Variants in EML6 observed in about 807,000 individuals in gnomAD.
The protein encoded by EML6 is EMAP like 6.
EML6 carries 154 observed loss-of-function variants against 240.1 expected under a neutral mutation model. The ratio of observed to expected loss-of-function variants is 0.64; its 90% CI spans 0.56 to 0.73. EML6 has a LOEUF of 0.73. Among genes scored for constraint, EML6 ranks in the 30% least tolerant of loss-of-function variants. EML6 has a pLI of 0.00. For synonymous variants in EML6, 1,148 were observed against 899.0 expected (o/e 1.28, Z -4.95); for missense variants, 2,964 against 2,474.6 (o/e 1.20, Z -4.20).
intron 2 of EML6, among the ~76,000 whole-genome samples, chr2:54,806,545 G>C (rs554634771): frequency 6.1e-5 from 9 of 148,000 alleles, no homozygotes; most frequent in Non-Finnish European, 8.9e-5. Context: ...CCTGGGAGGC[G>C]GAGGTTGCAG....
At chr2:54,937,664 CTG>C (rs1456791136) in intron 28 of EML6, among the ~76,000 whole-genome samples, 1 of 146,960 alleles carries the variant, frequency 6.8e-6, no homozygotes, top group Non-Finnish European at 1.5e-5. Context: ...TTATGGATAA[CTG>C]TAGATACTGT....
chr2:54,751,641 C>G lies in EML6; in HGVS notation c.197+26383C>G, dbSNP rs985230109. On this transcript the variant is annotated intron_variant, in intron 2 of 41. Transcript: ENST00000356458. ...AAACTTTAGACAGATTTTTAAAAAT[C>G]ACTGAAGTTATTTTGTGGGCCTATA... 7.9e-5 allele frequency among the ~76,000 whole-genome samples: 12 copies of G among 152,264 alleles called. No individual in the cohort carries two copies. The South Asian group carries it at 2.3e-3, about 29-fold the overall frequency.
At chr2:54,793,908 A>G (rs1669610547) in intron 2 of EML6, among the ~76,000 whole-genome samples, 2 of 152,152 alleles carry the variant, frequency 1.3e-5, no homozygotes, top group Admixed American at 6.5e-5. Context: ...ACTAGGAGAC[A>G]GTTCTCCTTC....
At position 54,968,213 on chromosome 2, in the gene EML6, C is replaced by G; in HGVS notation, c.5683C>G (p.Leu1895Val). The G allele has an allele frequency of 1.3e-6, 2 of 1,551,756 alleles. No individual in the cohort carries two copies. The highest frequency in any genetic ancestry group is 1.7e-6 in the Non-Finnish European group (2 of 1,147,006). ...VNCACVTHAG[L>V]NIVTGDDFGL... Reference sequence around the variant, plus strand: ...CTGCGCATGTGTGACCCACGCTGGCCTGAACATTGTCACAGGAGATGACTT... The same window carrying G: ...CTGCGCATGTGTGACCCACGCTGGCGTGAACATTGTCACAGGAGATGACTT... Residue 1895 changes from leucine to valine, a missense_variant, in exon 40 of 42, where the codon CTG becomes GTG. Coordinates refer to ENST00000356458, the MANE Select transcript of EML6 (RefSeq NM_001039753.4).
chr2:54,847,844 T>G (rs1462743959), intron 9 of EML6, among the ~76,000 whole-genome samples: 9 of 152,180 alleles, frequency 5.9e-5, no homozygotes, highest in African/African-American at 2.2e-4. Flanking sequence ...CCCAACAGAC[T>G]GATGTGAGGC....
At chr2:54,826,848 GA>G (rs1668622327) in intron 5 of EML6, among the ~76,000 whole-genome samples, 2 of 152,122 alleles carry the variant, frequency 1.3e-5, no homozygotes. Flanking sequence ...CTTAAAGTTA[GA>G]AATTATTTCC....
intron 16 of EML6, among the ~76,000 whole-genome samples, chr2:54,878,935 G>A (rs1671668267): frequency 6.6e-6 from 1 of 152,116 alleles, no homozygotes; most frequent in African/African-American, 2.4e-5. Flanking sequence ...AAAATTTTCT[G>A]TATCCATATT....
intron 17 of EML6, among the ~76,000 whole-genome samples, chr2:54,890,835 A>C (rs556251986): frequency 3.9e-5 from 6 of 152,238 alleles, no homozygotes; most frequent in Non-Finnish European, 8.8e-5. Flanking sequence ...AAGTAAATAA[A>C]CTTTGGCAGC....
At chr2:54,833,514 A>C (rs1007696542) in intron 7 of EML6, among the ~76,000 whole-genome samples, 1 of 152,232 alleles carries the variant, frequency 6.6e-6, no homozygotes, top group Non-Finnish European at 1.5e-5. Context: ...TTACAGTAAA[A>C]ACAATTAACC....
In EML6 at chr2:54,928,533, A is replaced by G; in HGVS notation, c.3877+19A>G. On this transcript the variant is annotated intron_variant, in intron 27 of 41. Coordinates refer to ENST00000356458, the MANE Select transcript of EML6 (RefSeq NM_001039753.4). ...GATGGAGGTGAGCCCCCCACCTGCCACATGCCTCCTGCGCCGAATGCACCT... is the reference window on the plus strand; with the variant it reads ...GATGGAGGTGAGCCCCCCACCTGCCGCATGCCTCCTGCGCCGAATGCACCT... 6.5e-7 allele frequency: 1 copy of G among 1,545,592 alleles called. No homozygotes were observed. Among genetic ancestry groups the G allele is most frequent in the Non-Finnish European group, 8.8e-7 (1 of 1,142,440 alleles).
At position 54,959,261 on chromosome 2, in the gene EML6, C is replaced by G; in HGVS notation, c.4853C>G (p.Pro1618Arg). ...GLIVTGGKER[P>R]TKEGGAVKLW... ...ATAGTGACCGGCGGAAAAGAGAGGC[C>G]GTAAGCCAAAGCTCCTATGGAAACA... is the stretch of plus-strand genomic sequence containing the variant. The change falls in exon 34 of 42, where the codon CCG becomes CGG. Residue 1618 changes from proline (P) to arginine (R), a missense_variant and splice_region_variant. By Grantham distance (103) the Pro-to-Arg change is moderately radical. Transcript: ENST00000356458. 1 of 1,526,036 alleles carries G rather than the reference C, an allele frequency of 6.6e-7. No homozygotes were observed. The highest frequency in any genetic ancestry group is 8.8e-7 in the Non-Finnish European group (1 of 1,134,132). The allele number at this position is 1,526,036 out of a possible 1,614,324, so 94.5% of individuals were successfully genotyped here.
chr2:54,903,067 C>A lies in EML6; in HGVS notation c.3148C>A (p.Pro1050Thr). Residue 1050 changes from proline to threonine, a missense_variant, in exon 23 of 42, where the codon CCT becomes ACT. Coordinates refer to ENST00000356458, the MANE Select transcript of EML6 (RefSeq NM_001039753.4). ...AGGTGGAAGATGCTGTGCCTTTTCC[C>A]CTGATGGGAAAGCCTTAGCGGTTGG... ...KKGGRCCAFS[P>T]DGKALAVGLN... The A allele has an allele frequency of 1.3e-6, 2 of 1,551,612 alleles. No homozygotes were observed. Among genetic ancestry groups the A allele is most frequent in the Non-Finnish European group, 1.7e-6 (2 of 1,146,946 alleles).
At chr2:54,746,487 C>T (rs1683915681) in intron 2 of EML6, among the ~76,000 whole-genome samples, 1 of 152,044 alleles carries the variant, frequency 6.6e-6, no homozygotes, top group Non-Finnish European at 1.5e-5. Context: ...ATATATACAA[C>T]ATTCTGTTTA....
At chr2:54,963,104 A>C (rs1676596186) in intron 36 of EML6, among the ~76,000 whole-genome samples, 1 of 140,242 alleles carries the variant, frequency 7.1e-6, no homozygotes, top group Non-Finnish European at 1.6e-5. Context: ...AAACTGTGAA[A>C]TAGCAAGGAG....
chr2:54,968,338 G>C, intron 40 of EML6, 57 bp downstream of exon 40: 2 of 1,502,896 alleles, frequency 1.3e-6, no homozygotes, highest in South Asian at 2.4e-5. Flanking sequence ...GTCTGCAGGA[G>C]ATAGGGGCCA....
At chr2:54,802,653 A>ACTACTACTACTG (rs1444928837) in intron 2 of EML6, among the ~76,000 whole-genome samples, 2 of 147,970 alleles carry the variant, frequency 1.4e-5, no homozygotes, top group East Asian at 3.9e-4. Flanking sequence ...TACTACTACT[A>ACTACTACTACTG]CTACTACTAC....
intron 17 of EML6, among the ~76,000 whole-genome samples, chr2:54,883,248 G>A (rs1161916086): frequency 6.6e-6 from 1 of 152,072 alleles, no homozygotes; most frequent in Non-Finnish European, 1.5e-5. Flanking sequence ...TTATTTACAT[G>A]TGGAGTATTG....
chr2:54,853,491 C>G (rs984923998), intron 10 of EML6, among the ~76,000 whole-genome samples, 152 bp from the exon 11 acceptor site: 3 of 150,132 alleles, frequency 2.0e-5, no homozygotes, highest in African/African-American at 7.4e-5. Context: ...TTAAGCCACG[C>G]AAAAAAAGAA....
At chr2:54,818,737 A>G (rs528284643) in intron 4 of EML6, among the ~76,000 whole-genome samples, 4 of 152,340 alleles carry the variant, frequency 2.6e-5, no homozygotes, top group South Asian at 2.1e-4. Context: ...TGTAAAAAGT[A>G]TAATAGGACT....
Sources: allele counts gnomAD v4.1 joint callset (sites outside exome capture counted in the v4.1 genomes callset), GRCh38; gene constraint gnomAD v4.1.1; transcripts MANE v1.5; gene names NCBI Gene and HGNC (gene_info 2026-07-23, HGNC 2026-07-21).